SNAPC4: variants seen among roughly 807,000 people sequenced by gnomAD.
SNAPC4 encodes the protein snRNA-activating protein complex subunit 4.
A neutral mutation model predicts 151.3 loss-of-function variants in SNAPC4; 127 were observed. That is an observed-to-expected ratio of 0.84 (90% CI 0.73 to 0.97). SNAPC4 has a LOEUF of 0.97. Ranked by LOEUF, SNAPC4 falls within the 50% of genes least tolerant of loss-of-function variation. The pLI, the probability that SNAPC4 is intolerant of heterozygous loss-of-function variation, is 0.00. For synonymous variants in SNAPC4, 1,002 were observed against 824.4 expected, an observed-to-expected ratio of 1.22 and a Z score of -3.69; for missense variants, 2,186 against 1,935.0, an observed-to-expected ratio of 1.13 and a Z score of -2.43.
chr9:136,400,054 C>A (rs923193054), intron 1 of SNAPC4, 80 bp downstream of exon 1: 1 of 152,126 alleles, frequency 6.6e-6, no homozygotes, highest in African/African-American at 2.4e-5. Context: ...ATCCGCTCCT[C>A]GGGACAGCGC....
At chr9:136,376,824 C>T (rs1833463597) in intron 22 of SNAPC4, among the ~76,000 whole-genome samples, 1 of 152,210 alleles carries the variant, frequency 6.6e-6, no homozygotes, top group South Asian at 2.1e-4. Context: ...TTGGACATTG[C>T]TTCCTCCCAC....
At position 136,381,916 on chromosome 9, in the gene SNAPC4, C is replaced by T. The variant is rs767320500; in HGVS notation, c.2225G>A (p.Arg742His). 20 of 1,612,844 alleles carry T rather than the reference C, an allele frequency of 1.2e-5. No homozygotes were observed. Among genetic ancestry groups the T allele is most frequent in the South Asian group, 6.6e-5 (6 of 91,080 alleles). ...RHALHRRLLN[R>H]RLLLAVTPWV... is the part of the protein sequence containing the mutation. ...AGGGGTCACAGCCAGCAGCAGCCTG[C>T]GGTTCAGGAGCCTCCGGTGCAGAGC... is the stretch of plus-strand genomic sequence containing the variant. Residue 742 changes from arginine (R) to histidine (H), a missense_variant, in exon 18 of 24, where the codon CGC becomes CAC. Coordinates refer to ENST00000684778, the MANE Select transcript of SNAPC4 (RefSeq NM_003086.4).
intron 1 of SNAPC4, among the ~76,000 whole-genome samples, chr9:136,399,292 G>T (rs1028537228): frequency 6.6e-6 from 1 of 152,172 alleles, no homozygotes; most frequent in Non-Finnish European, 1.5e-5. Context: ...GCATCCACCC[G>T]CGAGCACCGT....
chr9:136,387,920 CA>C (rs553612694), intron 11 of SNAPC4, 72 bp from the exon 12 acceptor site: 1 of 888,046 alleles, frequency 1.1e-6, no homozygotes. Context: ...CAGCTAGGGA[CA>C]ACAGGGTCCC....
chr9:136,378,819 G>A lies in SNAPC4; in HGVS notation c.3008C>T (p.Ala1003Val). Residue 1003 changes from alanine (A) to valine (V), a missense_variant, in exon 22 of 24, where the codon GCT becomes GTT. Physicochemically the swap from Ala to Val is moderately conservative, Grantham distance 64. Transcript: ENST00000684778. ...FSEAEGTAPA[A>V]SQAPALGPGQ... ...GGGGCCCAGGGCAGGGGCTTGGGAAGCAGCAGGGGCTGTGCCCTCGGCCTC... is the reference window on the plus strand; with the variant it reads ...GGGGCCCAGGGCAGGGGCTTGGGAAACAGCAGGGGCTGTGCCCTCGGCCTC... 1.3e-6 allele frequency: 2 copies of A among 1,592,358 alleles called. No homozygotes were observed. The highest frequency in any genetic ancestry group is 1.7e-6 in the Non-Finnish European group (2 of 1,169,056).
intron 13 of SNAPC4, 59 bp downstream of exon 13, chr9:136,387,426 A>G: frequency 8.4e-7 from 1 of 1,185,296 alleles, no homozygotes; most frequent in Non-Finnish European, 1.3e-6. Context: ...CCCACACCAG[A>G]GTGCACCTGG....
intron 1 of SNAPC4, 81 bp from the exon 2 acceptor site, chr9:136,398,518 G>A (rs1834351282): frequency 6.6e-7 from 1 of 1,518,908 alleles, no homozygotes; most frequent in East Asian, 2.3e-5. Context: ...ACCCGCCCAT[G>A]GGGGATGGCA....
rs1436036618 is a variant in SNAPC4, at chr9:136,394,860, C to G, written c.490G>C (p.Asp164His). The G allele has an allele frequency of 6.2e-7, 1 of 1,613,852 alleles. No homozygotes were observed. Among genetic ancestry groups the G allele is most frequent in the East Asian group, 2.2e-5 (1 of 44,886 alleles). ...VTGVGPPANE[D>H]TREKAAQGIK... ...CCCTGGGCAGCCTTCTCTCGTGTGTCCTCGTTGGCAGGTGGCCCCTGTCAG... is the reference window on the plus strand; with the variant it reads ...CCCTGGGCAGCCTTCTCTCGTGTGTGCTCGTTGGCAGGTGGCCCCTGTCAG... The change falls in exon 6 of 24, where the codon GAC becomes CAC. Residue 164 changes from aspartate to histidine, a missense_variant. Transcript: ENST00000684778.
At chr9:136,395,214 G>T in intron 5 of SNAPC4, 84 bp downstream of exon 5, 1 of 1,513,422 alleles carries the variant, frequency 6.6e-7, no homozygotes, top group Non-Finnish European at 9.0e-7. Flanking sequence ...AGGAATTCAC[G>T]ACTCCCTGCA....
In SNAPC4 at chr9:136,388,472, G is replaced by C. The variant is rs752583567; in HGVS notation, c.1095C>G (p.Arg365=). The part of the protein sequence containing the change: ...RMLTQLVQEM[R]VGSHIPYRRI... ...TGCGGTAGGGGATGTGGCTGCCGAC[G>C]CGCATCTCCTGCACCAGCTGCGTGA... Residue 365 remains arginine (R), a synonymous_variant, in exon 11 of 24, where the codon CGC becomes CGG. Transcript: ENST00000684778. 6.2e-7 allele frequency: 1 copy of C among 1,613,484 alleles called. No individual in the cohort carries two copies. Among genetic ancestry groups the C allele is most frequent in the South Asian group, 1.1e-5 (1 of 91,090 alleles).
At chr9:136,390,426 G>A (rs1169908159) in intron 10 of SNAPC4, among the ~76,000 whole-genome samples, 2 of 151,688 alleles carry the variant, frequency 1.3e-5, no homozygotes, top group African/African-American at 2.4e-5. Flanking sequence ...GTGGTGGTGG[G>A]CGCCTGTAGT....
chr9:136,393,549 C>T (rs1365277220), intron 7 of SNAPC4, among the ~76,000 whole-genome samples: 1 of 152,248 alleles, frequency 6.6e-6, no homozygotes. Flanking sequence ...ACGTGATTAT[C>T]ACCCCATCAG....
Position 136,378,593 on chromosome 9 carries a change from C to G in SNAPC4, c.3234G>C (p.Trp1078Cys). The G allele has an allele frequency of 1.3e-6, 2 of 1,583,892 alleles. No homozygotes were observed. Among genetic ancestry groups the G allele is most frequent in the Non-Finnish European group, 8.6e-7 (1 of 1,167,588 alleles). Residue 1078 changes from tryptophan (W) to cysteine (C), a missense_variant, in exon 22 of 24, where the codon TGG becomes TGC. Trp to Cys is a radical substitution (Grantham distance 215, BLOSUM62 -2). Coordinates refer to ENST00000684778, the MANE Select transcript of SNAPC4 (RefSeq NM_003086.4). Reference sequence around the variant, plus strand: ...GGAGAAGCCCCTGGGCTGTGAGCACCCAGGTGACAGGCAGGGGGACACTGG... The same window carrying G: ...GGAGAAGCCCCTGGGCTGTGAGCACGCAGGTGACAGGCAGGGGGACACTGG... ...VATSVPLPVTWVLTAQGLLPV... is the reference protein window; with the variant it reads ...VATSVPLPVTCVLTAQGLLPV...
chr9:136,378,848 G>C lies in SNAPC4; in HGVS notation c.2979C>G (p.Phe993Leu). 1.9e-6 allele frequency: 3 copies of C among 1,607,954 alleles called. No homozygotes were observed. The highest frequency in any genetic ancestry group is 2.5e-6 in the Non-Finnish European group (3 of 1,177,604). ...TMQALPLAPV[F>L]SEAEGTAPAA... ...CAGGGGCTGTGCCCTCGGCCTCTGA[G>C]AAGACAGGAGCGAGGGGCAGGGCTT... The change falls in exon 22 of 24, where the codon TTC (phenylalanine) becomes TTG (leucine). Residue 993 changes from phenylalanine (F) to leucine (L), a missense_variant. By Grantham distance (22) the Phe-to-Leu change is conservative. Transcript: ENST00000684778.
At chr9:136,386,581 T>C (rs1238172434) in intron 13 of SNAPC4, among the ~76,000 whole-genome samples, 4 of 141,814 alleles carry the variant, frequency 2.8e-5, no homozygotes, top group East Asian at 4.5e-4. Context: ...ATTACAGGCA[T>C]GTGCCACCAC....
rs368934855 is a variant in SNAPC4 at position 136,387,590 on chromosome 9, G to A, written c.1231-11C>T. Reference sequence around the variant, plus strand: ...AGCTTGAAGCAACTTCTGCAGGAAGGGACAGGCAGACAAGTGAAGCCTCTG... The same window carrying A: ...AGCTTGAAGCAACTTCTGCAGGAAGAGACAGGCAGACAAGTGAAGCCTCTG... On this transcript the variant is annotated splice_polypyrimidine_tract_variant and intron_variant, in intron 12 of 23. Transcript: ENST00000684778. 8 of 1,602,738 alleles carry A rather than the reference G, an allele frequency of 5.0e-6. No homozygotes were observed. In the East Asian group the frequency reaches 8.9e-5, roughly 18 times the overall value.
At position 136,392,116 on chromosome 9, in the gene SNAPC4, C is replaced by A. The variant is rs766786706; in HGVS notation, c.811-10G>T. On this transcript the variant is annotated splice_polypyrimidine_tract_variant and intron_variant, in intron 9 of 23. Transcript: ENST00000684778. The stretch of plus-strand genomic sequence containing the variant: ...TGCGGCTGCCTTCAAACTGCACCGA[C>A]AGAGACACTCAGCCTTGCAGGCCAC... 9 of 1,611,028 alleles carry A rather than the reference C, an allele frequency of 5.6e-6. No individual in the cohort carries two copies. The highest frequency in any genetic ancestry group is 2.2e-5 in the South Asian group (2 of 91,076).
chr9:136,378,061 TCTC>T lies in SNAPC4; in HGVS notation c.3763_3765del (p.Glu1255del). 1 of 1,576,906 alleles carries T rather than the reference TCTC, an allele frequency of 6.3e-7. No homozygotes were observed. Among genetic ancestry groups the T allele is most frequent in the Non-Finnish European group, 8.6e-7 (1 of 1,162,278 alleles). ...GGCCCAGGCTGGGGTAGGGGCGGCT[TCTC>T]CAGGTCCAGGGCCCCCTTCTCAGGC... On this transcript the variant is annotated inframe_deletion, in exon 22 of 24. Transcript: ENST00000684778.
chr9:136,389,970 TCTGA>T (rs1453096236), intron 10 of SNAPC4, among the ~76,000 whole-genome samples: 14 of 152,282 alleles, frequency 9.2e-5, no homozygotes, highest in Admixed American at 2.6e-4. Context: ...GAGAAGCATG[TCTGA>T]CTATGTGTTC....
Sources: allele counts gnomAD v4.1 joint callset (sites outside exome capture counted in the v4.1 genomes callset), GRCh38; gene constraint gnomAD v4.1.1; transcripts MANE v1.5; gene names NCBI Gene and HGNC (gene_info 2026-07-23, HGNC 2026-07-21).